ELAVL4: variants seen among roughly 807,000 people sequenced by gnomAD.
ELAVL4 encodes ELAV like RNA binding protein 4.
ELAVL4 carries 1 observed loss-of-function variant against 35.6 expected under a neutral mutation model. The observed-to-expected ratio is 0.03, with a 90% CI of 0.01 to 0.13. The LOEUF is 0.13. ELAVL4 is among the 10% of genes least tolerant of loss of function. The pLI, the probability that ELAVL4 is intolerant of heterozygous loss-of-function variation, is 1.00. For missense variants in ELAVL4, 267 were observed against 464.9 expected, an observed-to-expected ratio of 0.57 and a Z score of 3.91; for synonymous variants, 156 against 171.0, an observed-to-expected ratio of 0.91 and a Z score of 0.69.
chr1:50,194,629 C>T (rs1643912251), intron 4 of ELAVL4, among the ~76,000 whole-genome samples: 3 of 152,170 alleles, frequency 2.0e-5, no homozygotes, highest in Admixed American at 2.0e-4. Flanking sequence ...AGACATTGTG[C>T]AGAGGGACCC....
chr1:50,099,645 T>C (rs1053546910), upstream of ELAVL4, among the ~76,000 whole-genome samples: 2 of 152,044 alleles, frequency 1.3e-5, no homozygotes, highest in Non-Finnish European at 2.9e-5. Context: ...AATTGAATTG[T>C]TTGAAAATTA....
chr1:50,107,566 C>T (rs571292281), upstream of ELAVL4, among the ~76,000 whole-genome samples: 3 of 152,242 alleles, frequency 2.0e-5, no homozygotes, highest in South Asian at 4.1e-4. Context: ...TATTCTTGGA[C>T]TTTGAAACCC....
chr1:50,167,862 T>C (rs1174896960), intron 2 of ELAVL4, among the ~76,000 whole-genome samples: 1 of 152,216 alleles, frequency 6.6e-6, no homozygotes, highest in Non-Finnish European at 1.5e-5. Context: ...TCCATCCACA[T>C]ACCTCTCCCC....
At chr1:50,100,638 T>A (rs1665930444), upstream of ELAVL4, among the ~76,000 whole-genome samples, 1 of 152,212 alleles carries the variant, frequency 6.6e-6, no homozygotes, top group African/African-American at 2.4e-5. Flanking sequence ...TTAGGATTCA[T>A]GCATAAAAAG....
chr1:50,099,560 C>CAAAAAA (rs750905424), upstream of ELAVL4, among the ~76,000 whole-genome samples: 3 of 56,286 alleles, frequency 5.3e-5, no homozygotes, highest in African/African-American at 5.7e-5. Context: ...AACTCCGCCT[C>CAAAAAA]AAAAAAAAAA....
chr1:50,184,552 A>C (rs1009345883), intron 3 of ELAVL4, among the ~76,000 whole-genome samples: 1 of 152,168 alleles, frequency 6.6e-6, no homozygotes, highest in African/African-American at 2.4e-5. Context: ...AAGATTGTCT[A>C]AAGGTGAATG....
At chr1:50,049,315 A>T (rs901894777) in intron 1 of ELAVL4, among the ~76,000 whole-genome samples, 1 of 152,178 alleles carries the variant, frequency 6.6e-6, no homozygotes, top group African/African-American at 2.4e-5. Context: ...AATATTTTAT[A>T]ATACTTGCAA....
intron 1 of ELAVL4, among the ~76,000 whole-genome samples, chr1:50,131,886 TAA>T (rs201687977): frequency 9.6e-5 from 13 of 134,956 alleles, no homozygotes; most frequent in Admixed American, 3.0e-4. Flanking sequence ...AATTTATGTT[TAA>T]AAAAAAAAAA....
intron 1 of ELAVL4, among the ~76,000 whole-genome samples, chr1:50,142,853 T>C (rs1024058247): frequency 6.6e-6 from 1 of 152,156 alleles, no homozygotes; most frequent in African/African-American, 2.4e-5. Context: ...AGTTCAAAAT[T>C]AGAAACAATC....
At chr1:50,163,846 A>G (rs1677240749) in intron 2 of ELAVL4, among the ~76,000 whole-genome samples, 1 of 151,990 alleles carries the variant, frequency 6.6e-6, no homozygotes, top group African/African-American at 2.4e-5. Context: ...ACCCAAACAA[A>G]CAACCGCATG....
chr1:50,092,193 A>T (rs1479553708), intron 1 of ELAVL4, among the ~76,000 whole-genome samples: 1 of 152,252 alleles, frequency 6.6e-6, no homozygotes, highest in Non-Finnish European at 1.5e-5. Flanking sequence ...TATGATGGGT[A>T]TATGTGTGGG....
intron 1 of ELAVL4, among the ~76,000 whole-genome samples, chr1:50,097,648 A>G (rs1304861935): frequency 1.3e-5 from 2 of 152,100 alleles, no homozygotes; most frequent in Admixed American, 6.5e-5. Context: ...TGCACTAAGC[A>G]CCTACTGTGT....
intron 1 of ELAVL4, among the ~76,000 whole-genome samples, chr1:50,095,180 C>T (rs944846500): frequency 6.6e-6 from 1 of 152,100 alleles, no homozygotes; most frequent in Non-Finnish European, 1.5e-5. Context: ...AGCTAGTTTA[C>T]GGCAGCATTG....
At position 50,178,742 on chromosome 1, in the gene ELAVL4, G is replaced by A. The variant is rs553546028; in HGVS notation, c.354+1550G>A. ...GCTTTAAGTAAAGACGGATGCTCAT[G>A]TCACCTGACTCTTTGATGAGGCCAC... is the stretch of plus-strand genomic sequence containing the variant. On this transcript the variant is annotated intron_variant, in intron 3 of 6. Transcript: ENST00000371824. Among the ~76,000 whole-genome samples, 6 of 152,290 alleles carry A rather than the reference G, an allele frequency of 3.9e-5. No homozygotes were observed. In the South Asian group the frequency reaches 1.2e-3, roughly 32 times the overall value.
rs147208153 is a variant in ELAVL4 at position 50,051,559 on chromosome 1, T to A, written c.18+3377T>A. Among the ~76,000 whole-genome samples the A allele has an allele frequency of 4.8e-3, 731 of 152,316 alleles. 5 individuals carry two copies. The highest frequency in any genetic ancestry group is 0.017 in the African/African-American group (699 of 41,584). On this transcript the variant is annotated intron_variant, in intron 1 of 6. Coordinates refer to the ELAVL4 transcript ENST00000448907. ...GTGGGGCAGTATATAATGATGTATT[T>A]TAGAAACATTTCCATCTGATAGGAT...
chr1:50,126,124 A>C (rs774586717), intron 1 of ELAVL4, among the ~76,000 whole-genome samples: 2 of 152,144 alleles, frequency 1.3e-5, no homozygotes, highest in African/African-American at 2.4e-5. Context: ...TTTGGGGCTC[A>C]CAGGGAGAGA....
chr1:50,177,026 CTCTCTCTT>C lies in ELAVL4; in HGVS notation c.251-55_251-48del, dbSNP rs1680157508. 3.0e-5 allele frequency: 41 copies of C among 1,382,568 alleles called. 1 individual carries two copies. In the South Asian group the frequency reaches 4.5e-4, roughly 15 times the overall value. The allele number at this position is 1,382,568 out of a possible 1,614,324, so 85.6% of individuals were successfully genotyped here. A position where few individuals can be genotyped will look rare whatever the true frequency, so the allele number is the denominator to read the frequency against. On this transcript the variant is annotated intron_variant, in intron 2 of 6. Transcript: ENST00000371824. The stretch of plus-strand genomic sequence containing the variant: ...TAAAGATACTGAGCATGCTCTCTCT[CTCTCTCTT>C]TCTCTCTGTCTGTCTCTCTCTCCCT...
At chr1:50,197,596 A>C in intron 6 of ELAVL4, 129 bp downstream of exon 6, 2 of 810,020 alleles carry the variant, frequency 2.5e-6, no homozygotes, top group Non-Finnish European at 3.6e-6. Flanking sequence ...CCAGCATGTC[A>C]AATTCTTAAT....
chr1:50,060,657 T>A (rs540421270), intron 1 of ELAVL4, among the ~76,000 whole-genome samples: 41 of 152,166 alleles, frequency 2.7e-4, no homozygotes, highest in Non-Finnish European at 5.3e-4. Context: ...ACCAGTATGA[T>A]CCTACTTGTA....
Sources: gnomAD v4.1 joint callset for allele counts (sites outside exome capture counted in the v4.1 genomes callset) on GRCh38, gnomAD v4.1.1 for gene constraint, MANE v1.5 for transcripts, NCBI Gene and HGNC (gene_info 2026-07-23, HGNC 2026-07-21) for gene names.